The following RIMS2 variants were observed in gnomAD, a reference collection of about 807,000 sequenced individuals.
RIMS2 encodes regulating synaptic membrane exocytosis protein 2.
A neutral mutation model predicts 174.4 loss-of-function variants in RIMS2; 59 were observed. The observed-to-expected ratio is 0.34, with a 90% confidence interval of 0.27 to 0.42. The LOEUF is 0.42. Ranked by LOEUF, RIMS2 falls within the 10% of genes least tolerant of loss-of-function variation. The pLI is 1.00. For synonymous variants in RIMS2, 606 were observed against 572.5 expected (o/e 1.06, Z -0.84); for missense variants, 1,620 against 1,666.3 (o/e 0.97, Z 0.48).
At position 104,190,873 on chromosome 8, in the gene RIMS2, T is replaced by C. The variant is rs1022755060; in HGVS notation, c.3335-54043T>C. Among the ~76,000 whole-genome samples the C allele has an allele frequency of 3.3e-5, 5 of 152,060 alleles. No individual in the cohort carries two copies. The East Asian group carries it at 7.7e-4, about 23-fold the overall frequency. On this transcript the variant is annotated intron_variant, in intron 19 of 23. Transcript: ENST00000504942. ...AACAGGTTGCAAATATTTTATAGGC[T>C]CATTCCTCCAATCTCACTTTAAGCA...
chr8:103,998,541 T>A (rs186113308), intron 17 of RIMS2, among the ~76,000 whole-genome samples: 2 of 144,348 alleles, frequency 1.4e-5, no homozygotes, highest in Admixed American at 1.4e-4. Flanking sequence ...AAATATAGAA[T>A]AACAGTATTA....
At chr8:103,980,804 C>T (rs1456926844) in intron 16 of RIMS2, among the ~76,000 whole-genome samples, 1 of 152,104 alleles carries the variant, frequency 6.6e-6, no homozygotes, top group Admixed American at 6.5e-5. Flanking sequence ...CCCTTGTGGT[C>T]CAGTGGTGGT....
intron 4 of RIMS2, among the ~76,000 whole-genome samples, chr8:103,886,653 T>C (rs1484427290): frequency 6.6e-6 from 1 of 151,842 alleles, no homozygotes; most frequent in East Asian, 1.9e-4. Context: ...GATATAACCA[T>C]TGTTAACCTT....
exon 4 of RIMS2, chr8:103,885,457 A>G: frequency 6.2e-7 from 1 of 1,612,734 alleles, no homozygotes; most frequent in African/African-American, 1.3e-5. Flanking sequence ...AGTTTTATGA[A>G]GACTCTGATC....
At chr8:103,928,154 G>A (rs938315595) in intron 11 of RIMS2, among the ~76,000 whole-genome samples, 17 of 151,502 alleles carry the variant, frequency 1.1e-4, no homozygotes, top group African/African-American at 2.7e-4. Flanking sequence ...GGCATTTAAT[G>A]TAGATTTAAT....
chr8:103,717,739 G>A (rs2097391311), intron 2 of RIMS2, among the ~76,000 whole-genome samples: 1 of 152,142 alleles, frequency 6.6e-6, no homozygotes, highest in African/African-American at 2.4e-5. Flanking sequence ...ATTTTGTGTG[G>A]ATTTGGGACA....
chr8:104,117,436 TGTAGCACA>T (rs764702825), intron 19 of RIMS2, among the ~76,000 whole-genome samples: 104 of 152,168 alleles, frequency 6.8e-4, no homozygotes, highest in Non-Finnish European at 1.2e-3. Flanking sequence ...CCAGCCAGGC[TGTAGCACA>T]GTAGCACCAC....
intron 1 of RIMS2, among the ~76,000 whole-genome samples, chr8:103,682,980 T>C (rs879435707): frequency 2.6e-5 from 4 of 152,190 alleles, no homozygotes; most frequent in Non-Finnish European, 5.9e-5. Context: ...GCTCTGCTAC[T>C]AATTTAACTG....
chr8:103,770,007 C>A (rs370103320), intron 3 of RIMS2, among the ~76,000 whole-genome samples: 134 of 152,086 alleles, frequency 8.8e-4, no homozygotes, highest in African/African-American at 3.1e-3. Context: ...TTTTGGGAAA[C>A]ACTTTAAAGA....
intron 2 of RIMS2, among the ~76,000 whole-genome samples, chr8:103,748,393 G>A (rs1281999820): frequency 6.6e-6 from 1 of 152,092 alleles, no homozygotes; most frequent in East Asian, 1.9e-4. Flanking sequence ...TGCACGAGCC[G>A]TGATCAATCC....
chr8:103,571,589 A>G (rs900861054), intron 1 of RIMS2, among the ~76,000 whole-genome samples: 20 of 152,240 alleles, frequency 1.3e-4, no homozygotes, highest in Non-Finnish European at 2.9e-4. Context: ...ATATGTATAT[A>G]TGTACCTACT....
At chr8:103,987,261 G>A (rs1016893785) in intron 16 of RIMS2, among the ~76,000 whole-genome samples, 2 of 151,734 alleles carry the variant, frequency 1.3e-5, no homozygotes, top group Non-Finnish European at 2.9e-5. Context: ...GGGACTATGT[G>A]CCTCTGTGCC....
At chr8:103,907,522 T>G (rs1426500349) in intron 4 of RIMS2, among the ~76,000 whole-genome samples, 3 of 152,024 alleles carry the variant, frequency 2.0e-5, no homozygotes, top group Non-Finnish European at 4.4e-5. Flanking sequence ...CCTCCTTCCT[T>G]CCTTTTTTTT....
chr8:103,834,672 G>GTCTTTTTCTT (rs948445011), intron 3 of RIMS2, among the ~76,000 whole-genome samples: 13 of 118,958 alleles, frequency 1.1e-4, no homozygotes, highest in Admixed American at 3.9e-4. Context: ...AGCCTCTGAG[G>GTCTTTTTCTT]TCTTTTTCTT....
rs79643826 is a variant in RIMS2, at chr8:104,182,525, C to A, written c.3335-62391C>A. The stretch of plus-strand genomic sequence containing the variant: ...GCATACCCTTTAGCTATTCCTCCCC[C>A]TCCTCATTTCACCCATTCATCCCTC... On this transcript the variant is annotated intron_variant, in intron 19 of 23. Coordinates refer to ENST00000504942, the Ensembl canonical transcript of RIMS2. Among the ~76,000 whole-genome samples the A allele has an allele frequency of 4.5e-4, 68 of 151,780 alleles. No individual in the cohort carries two copies. In the East Asian group the frequency reaches 0.013, roughly 29 times the overall value.
intron 1 of RIMS2, among the ~76,000 whole-genome samples, chr8:103,508,841 A>G (rs1040072342): frequency 2.0e-5 from 3 of 152,086 alleles, no homozygotes; most frequent in Admixed American, 2.0e-4. Flanking sequence ...TTTTTGAAAA[A>G]TTGAGGAGCC....
intron 3 of RIMS2, among the ~76,000 whole-genome samples, chr8:103,786,650 T>C (rs898248486): frequency 1.3e-5 from 2 of 152,234 alleles, no homozygotes; most frequent in East Asian, 1.9e-4. Context: ...TTGTTATAAT[T>C]TCTGTTCTTT....
chr8:103,604,485 C>G (rs1341091914), intron 1 of RIMS2, among the ~76,000 whole-genome samples: 1 of 152,012 alleles, frequency 6.6e-6, no homozygotes, highest in South Asian at 2.1e-4. Flanking sequence ...AACGCGGGCT[C>G]TTTTTTGGTT....
At chr8:104,106,037 C>CAA (rs575916023) in intron 19 of RIMS2, among the ~76,000 whole-genome samples, 8,196 of 56,672 alleles carry the variant, frequency 0.14, 1,763 homozygotes, top group Non-Finnish European at 0.17. Flanking sequence ...GACTCTGCCA[C>CAA]AAAAAAAAAA....
Sources: allele counts gnomAD v4.1 joint callset (sites outside exome capture counted in the v4.1 genomes callset), GRCh38; gene constraint gnomAD v4.1.1; transcripts MANE v1.5; gene names NCBI Gene and HGNC (gene_info 2026-07-23, HGNC 2026-07-21).